Variants in CTNNAL1 observed in about 807,000 individuals in gnomAD.
CTNNAL1 encodes catenin alpha like 1.
A neutral mutation model predicts 93.6 loss-of-function variants in CTNNAL1; 69 were observed. The observed-to-expected ratio is 0.74, with a 90% confidence interval of 0.61 to 0.90. CTNNAL1 has a LOEUF of 0.90. Ranked by LOEUF, CTNNAL1 falls within the 40% of genes least tolerant of loss-of-function variation. The probability of loss-of-function intolerance (pLI) is 0.00; values close to 1 mark genes in which losing one functional copy is unlikely to be tolerated. For synonymous variants in CTNNAL1, 286 were observed against 305.4 expected (o/e 0.94, Z 0.66); for missense variants, 836 against 862.0 (o/e 0.97, Z 0.38).
chr9:109,003,603 G>T (rs1826919204), intron 1 of CTNNAL1, among the ~76,000 whole-genome samples: 2 of 152,116 alleles, frequency 1.3e-5, no homozygotes, highest in African/African-American at 4.8e-5. Flanking sequence ...ATAAACCAGT[G>T]GCTCCTATTT....
chr9:108,957,832 AG>A (rs1413157942), intron 11 of CTNNAL1, among the ~76,000 whole-genome samples: 1 of 152,092 alleles, frequency 6.6e-6, no homozygotes, highest in Admixed American at 6.5e-5. Context: ...AAACAGAAGT[AG>A]GAACCCGGGC....
chr9:108,963,026 T>A (rs958717810), intron 11 of CTNNAL1, among the ~76,000 whole-genome samples: 2 of 152,174 alleles, frequency 1.3e-5, no homozygotes, highest in African/African-American at 4.8e-5. Context: ...GACCCCTTGA[T>A]GGAAAATGCA....
intron 1 of CTNNAL1, among the ~76,000 whole-genome samples, chr9:109,007,563 TG>T: frequency 6.6e-6 from 1 of 152,178 alleles, no homozygotes; most frequent in South Asian, 2.1e-4. Flanking sequence ...AGACTTGGAG[TG>T]GGAGTTCTGA....
chr9:108,962,162 T>C (rs1830835247), intron 11 of CTNNAL1, among the ~76,000 whole-genome samples: 1 of 152,146 alleles, frequency 6.6e-6, no homozygotes, highest in South Asian at 2.1e-4. Context: ...TCATAAAATG[T>C]GGAAATAATA....
At position 108,964,566 on chromosome 9, in the gene CTNNAL1, G is replaced by A. The variant is rs931100794; in HGVS notation, c.1591+812C>T. Among the ~76,000 whole-genome samples the A allele has an allele frequency of 7.2e-5, 11 of 152,198 alleles. No individual in the cohort carries two copies. In the East Asian group the frequency reaches 1.9e-3, roughly 27 times the overall value. On this transcript the variant is annotated intron_variant, in intron 11 of 18. Transcript: ENST00000325551. ...GTATGGCACTATTCTACATGTTGTA[G>A]AAATACCAATGAACTTACCCACCAC...
chr9:108,998,977 T>A, intron 2 of CTNNAL1, 90 bp downstream of exon 2: 3 of 1,412,370 alleles, frequency 2.1e-6, no homozygotes, highest in Non-Finnish European at 2.8e-6. Flanking sequence ...AAGAGCTGTA[T>A]ATCTTTATTC....
Position 108,948,206 on chromosome 9 carries a change from C to G in CTNNAL1, c.1864G>C (p.Asp622His), listed in dbSNP as rs1830461130. ...RGEGPLKTSQ[D>H]LIHQLEVFAA... ...CATACCTCTAGTTGATGAATTAAAT[C>G]CTGGGAAGTTTTCAGTGGCCCCTCT... Residue 622 changes from aspartate (D) to histidine (H), a missense_variant, in exon 15 of 19, where the codon GAT (aspartate) becomes CAT (histidine). Coordinates refer to ENST00000325551, the MANE Select transcript of CTNNAL1 (RefSeq NM_003798.4). The G allele has an allele frequency of 6.2e-7, 1 of 1,611,808 alleles. No individual in the cohort carries two copies. Among genetic ancestry groups the G allele is most frequent in the East Asian group, 2.2e-5 (1 of 44,658 alleles).
intron 12 of CTNNAL1, 67 bp from the exon 13 acceptor site, chr9:108,952,561 G>C (rs1830593175): frequency 6.3e-7 from 1 of 1,577,470 alleles, no homozygotes; most frequent in South Asian, 1.1e-5. Flanking sequence ...AAATACAATA[G>C]TAATACAAAG....
At chr9:109,005,384 C>G (rs1826991057) in intron 1 of CTNNAL1, among the ~76,000 whole-genome samples, 1 of 152,094 alleles carries the variant, frequency 6.6e-6, no homozygotes, top group African/African-American at 2.4e-5. Flanking sequence ...ATTCCCCCTC[C>G]CACTCCCCCT....
chr9:108,989,695 A>C (rs750478847), intron 4 of CTNNAL1, among the ~76,000 whole-genome samples: 3 of 152,192 alleles, frequency 2.0e-5, no homozygotes, highest in South Asian at 2.1e-4. Context: ...TAGACATAAT[A>C]TGATCTTCCA....
At chr9:108,958,275 A>G (rs1015918068) in intron 11 of CTNNAL1, among the ~76,000 whole-genome samples, 1 of 152,120 alleles carries the variant, frequency 6.6e-6, no homozygotes, top group Non-Finnish European at 1.5e-5. Flanking sequence ...GGCAAAACCA[A>G]CTGTTTCGGT....
At chr9:108,965,987 A>G (rs1830941624) in intron 10 of CTNNAL1, among the ~76,000 whole-genome samples, 2 of 152,230 alleles carry the variant, frequency 1.3e-5, no homozygotes, top group South Asian at 4.1e-4. Context: ...TGGTAGATAC[A>G]TGCTTGAGAT....
chr9:108,970,573 G>A, intron 9 of CTNNAL1, 79 bp from the exon 10 acceptor site: 5 of 1,244,400 alleles, frequency 4.0e-6, no homozygotes, highest in East Asian at 2.9e-5. Flanking sequence ...TAATTAAAAA[G>A]AAAATTTTAC....
At chr9:108,985,591 C>T (rs984821813) in intron 4 of CTNNAL1, among the ~76,000 whole-genome samples, 9 of 152,254 alleles carry the variant, frequency 5.9e-5, no homozygotes, top group East Asian at 1.9e-4. Context: ...AAATAGTGTA[C>T]GACAAAGTGC....
At chr9:108,979,606 A>G (rs1217726806) in intron 6 of CTNNAL1, 125 bp from the exon 7 acceptor site, 1 of 826,876 alleles carries the variant, frequency 1.2e-6, no homozygotes, top group East Asian at 2.7e-5. Flanking sequence ...CTGAGGGGAA[A>G]TACAGCCACC....
Position 108,979,374 on chromosome 9 carries a change from G to T in CTNNAL1, c.1008C>A (p.Ala336=). The change falls in exon 7 of 19, where the codon GCC becomes GCA. Residue 336 remains alanine, a synonymous_variant. Transcript: ENST00000325551. ...GTTCTCTGTGCTCATGGCTGGTGTA[G>T]GCAGAATCAGTAAAGTCCTCCATAC... The part of the protein sequence containing the change: ...LERMEDFTDS[A]YTSHEHRERI... The T allele has an allele frequency of 6.2e-7, 1 of 1,614,144 alleles. No individual in the cohort carries two copies. Among genetic ancestry groups the T allele is most frequent in the Non-Finnish European group, 8.5e-7 (1 of 1,180,014 alleles).
In CTNNAL1 at chr9:108,955,802, A is replaced by C. The variant is rs1830673820; in HGVS notation, c.1617T>G (p.Leu539=). 6.2e-7 allele frequency: 1 copy of C among 1,601,876 alleles called. No homozygotes were observed. Among genetic ancestry groups the C allele is most frequent in the East Asian group, 2.3e-5 (1 of 43,756 alleles). ...TTCTTCTACTTACCATTGGCTTTGGAAGTGAAAGGTAGCCATACTTCTCTC... is the reference window on the plus strand; with the variant it reads ...TTCTTCTACTTACCATTGGCTTTGGCAGTGAAAGGTAGCCATACTTCTCTC... The part of the protein sequence containing the change: ...RRGEKYGYLS[L]PKPMKNNANL... The change falls in exon 12 of 19, where the codon CTT becomes CTG. Residue 539 remains leucine, a synonymous_variant. Transcript: ENST00000325551.
intron 1 of CTNNAL1, among the ~76,000 whole-genome samples, chr9:109,008,259 GC>G (rs1202270854): frequency 6.9e-6 from 1 of 145,800 alleles, no homozygotes; most frequent in Non-Finnish European, 1.5e-5. Context: ...CCAGGTTCAA[GC>G]AATTCTTCTG....
intron 2 of CTNNAL1, among the ~76,000 whole-genome samples, chr9:108,997,880 G>A (rs913938444): frequency 2.0e-5 from 3 of 152,070 alleles, no homozygotes; most frequent in African/African-American, 7.2e-5. Context: ...CTCCTAACTG[G>A]TTTCTCTGAA....
Sources: gnomAD v4.1 joint callset for allele counts (sites outside exome capture counted in the v4.1 genomes callset) on GRCh38, gnomAD v4.1.1 for gene constraint, MANE v1.5 for transcripts, NCBI Gene and HGNC (gene_info 2026-07-23, HGNC 2026-07-21) for gene names.